The following EPHA5 variants were observed in gnomAD, a reference collection of about 807,000 sequenced individuals.
EPHA5 encodes the protein EPH receptor A5, also known as ephrin type-A receptor 5.
EPHA5 carries 60 observed loss-of-function variants against 105.0 expected under a neutral mutation model. That is an observed-to-expected ratio of 0.57 (90% confidence interval 0.46 to 0.71). The LOEUF (loss-of-function observed/expected upper bound fraction) is 0.71, where lower values mean the gene tolerates loss of function less well. EPHA5 is among the 30% of genes least tolerant of loss of function. The pLI, the probability that EPHA5 is intolerant of heterozygous loss-of-function variation, is 0.00. For synonymous variants in EPHA5, 513 were observed against 449.1 expected (o/e 1.14, Z -1.80); for missense variants, 1,218 against 1,274.7 (o/e 0.96, Z 0.68).
intron 9 of EPHA5, 140 bp downstream of exon 9, chr4:65,367,217 G>A (rs1478241994): frequency 2.9e-6 from 2 of 682,304 alleles, no homozygotes; most frequent in Middle Eastern, 4.3e-4. Flanking sequence ...TTACAGGAAT[G>A]TAACAAATAG....
chr4:65,411,021 T>A (rs1722859278), intron 7 of EPHA5, among the ~76,000 whole-genome samples: 1 of 152,102 alleles, frequency 6.6e-6, no homozygotes, highest in South Asian at 2.1e-4. Flanking sequence ...CATGGTAAGT[T>A]TCTTTGTTGA....
intron 3 of EPHA5, among the ~76,000 whole-genome samples, chr4:65,576,802 T>A (rs1192191408): frequency 6.6e-6 from 1 of 152,200 alleles, no homozygotes; most frequent in Non-Finnish European, 1.5e-5. Flanking sequence ...TCTCTCACCC[T>A]AGACACATAT....
At chr4:65,608,660 A>G (rs1166041531) in intron 2 of EPHA5, among the ~76,000 whole-genome samples, 1 of 152,218 alleles carries the variant, frequency 6.6e-6, no homozygotes, top group Non-Finnish European at 1.5e-5. Flanking sequence ...TTTGAAAGAT[A>G]TTGTGTGCTA....
chr4:65,655,306 T>A (rs79389364), intron 1 of EPHA5, among the ~76,000 whole-genome samples: 34,172 of 151,878 alleles, frequency 0.22, 4,408 homozygotes, highest in Middle Eastern at 0.38. Context: ...TACTTTTTTT[T>A]AAACTATAAA....
At chr4:65,661,131 G>T (rs116092282) in intron 1 of EPHA5, among the ~76,000 whole-genome samples, 122 of 152,246 alleles carry the variant, frequency 8.0e-4, no homozygotes, top group African/African-American at 2.8e-3. Flanking sequence ...TAATTGAGTT[G>T]AAGTTTAAAA....
chr4:65,508,840 G>C (rs931150123), intron 3 of EPHA5, among the ~76,000 whole-genome samples: 4 of 151,988 alleles, frequency 2.6e-5, no homozygotes, highest in Admixed American at 2.6e-4. Context: ...AACTATCCCT[G>C]ATTGTGAGAA....
chr4:65,539,801 G>C (rs1736644371), intron 3 of EPHA5, among the ~76,000 whole-genome samples: 1 of 151,344 alleles, frequency 6.6e-6, no homozygotes, highest in South Asian at 2.1e-4. Context: ...TATTAGTGTT[G>C]ATATCACCTT....
At chr4:65,477,365 A>T (rs891867673) in intron 5 of EPHA5, among the ~76,000 whole-genome samples, 2 of 152,030 alleles carry the variant, frequency 1.3e-5, no homozygotes, top group Non-Finnish European at 2.9e-5. Context: ...CACTTACTAG[A>T]TCTGTGACCT....
intron 3 of EPHA5, among the ~76,000 whole-genome samples, chr4:65,588,513 G>T (rs1578506929): frequency 6.6e-6 from 1 of 152,102 alleles, no homozygotes; most frequent in African/African-American, 2.4e-5. Context: ...GATGATGACA[G>T]GTTGCCCTTG....
chr4:65,609,942 G>C (rs1744610311), intron 2 of EPHA5, among the ~76,000 whole-genome samples: 1 of 151,814 alleles, frequency 6.6e-6, no homozygotes, highest in Admixed American at 6.6e-5. Context: ...CTTTTAATGA[G>C]AGATATTAAA....
intron 3 of EPHA5, among the ~76,000 whole-genome samples, chr4:65,500,152 C>A (rs191310260): frequency 3.6e-4 from 54 of 151,360 alleles, no homozygotes; most frequent in African/African-American, 1.2e-3. Context: ...AAATACCAAT[C>A]CAAAATGGTT....
At chr4:65,395,009 A>G (rs746454491) in intron 8 of EPHA5, among the ~76,000 whole-genome samples, 6 of 152,164 alleles carry the variant, frequency 3.9e-5, no homozygotes, top group Non-Finnish European at 7.4e-5. Context: ...TGTCTAAATT[A>G]AATAGCTGCA....
intron 9 of EPHA5, among the ~76,000 whole-genome samples, 164 bp from the exon 10 acceptor site, chr4:65,366,221 A>G (rs1417495181): frequency 6.6e-6 from 1 of 151,804 alleles, no homozygotes; most frequent in Non-Finnish European, 1.5e-5. Flanking sequence ...CAACTATATC[A>G]GTTTTATAAT....
chr4:65,333,530 AGTGTGTGTCTGTGTGTGTGTGT>A (rs1341748084), intron 15 of EPHA5, among the ~76,000 whole-genome samples: 154 of 122,604 alleles, frequency 1.3e-3, no homozygotes, highest in Non-Finnish European at 2.2e-3. Flanking sequence ...TGCGTGTGAG[AGTGTGTGTCTGTGTGTGTGTGT>A]GTGTGTGTGT....
At chr4:65,413,885 A>T (rs1452732646) in intron 7 of EPHA5, among the ~76,000 whole-genome samples, 19 of 152,200 alleles carry the variant, frequency 1.2e-4, no homozygotes, top group Admixed American at 1.1e-3. Flanking sequence ...TTTTCTTGCC[A>T]AACTCACTGC....
chr4:65,397,796 T>A (rs767145452), intron 8 of EPHA5, among the ~76,000 whole-genome samples: 2 of 152,186 alleles, frequency 1.3e-5, no homozygotes, highest in South Asian at 2.1e-4. Context: ...CTGAGAGAGA[T>A]CTGACTGCTG....
chr4:65,601,532 C>A, intron 3 of EPHA5, 109 bp downstream of exon 3: 3 of 1,097,988 alleles, frequency 2.7e-6, no homozygotes, highest in Non-Finnish European at 3.9e-6. Flanking sequence ...AAATAATCTC[C>A]ATAAATTAGC....
intron 1 of EPHA5, among the ~76,000 whole-genome samples, chr4:65,655,748 A>C (rs140811740): frequency 1.6e-4 from 24 of 152,190 alleles, no homozygotes; most frequent in African/African-American, 5.8e-4. Context: ...TGATTCCATA[A>C]GTTTAGGTGG....
chr4:65,419,258 AT>A (rs151109375), intron 6 of EPHA5, among the ~76,000 whole-genome samples: 15,112 of 152,066 alleles, frequency 0.099, 974 homozygotes, highest in Middle Eastern at 0.23. Flanking sequence ...TTAATAGGAC[AT>A]TAGCATTTTT....
Sources: gnomAD v4.1 joint callset for allele counts (sites outside exome capture counted in the v4.1 genomes callset) on GRCh38, gnomAD v4.1.1 for gene constraint, MANE v1.5 for transcripts, NCBI Gene and HGNC (gene_info 2026-07-23, HGNC 2026-07-21) for gene names.